The following ARSG variants were observed in gnomAD, a reference collection of about 807,000 sequenced individuals.
The protein encoded by ARSG is arylsulfatase G, also known as ASG.
In ARSG, 37 loss-of-function variants were observed where a neutral mutation model predicts 50.5. That is an observed-to-expected ratio of 0.73 (90% CI 0.56 to 0.96). The LOEUF is 0.96. Ranked by LOEUF, ARSG falls within the 50% of genes least tolerant of loss-of-function variation. The pLI, the probability that ARSG is intolerant of heterozygous loss-of-function variation, is 0.00. For missense variants in ARSG, 629 were observed against 675.3 expected (o/e 0.93, Z 0.76); for synonymous variants, 225 against 254.6 (o/e 0.88, Z 1.11).
intron 1 of ARSG, among the ~76,000 whole-genome samples, chr17:68,275,275 C>T (rs1444492129): frequency 2.6e-5 from 4 of 151,814 alleles, no homozygotes; most frequent in East Asian, 1.9e-4. Flanking sequence ...ACAACAGTGA[C>T]GTAAGTGAGC....
chr17:68,323,798 T>C (rs1379861456), intron 2 of ARSG, among the ~76,000 whole-genome samples: 5 of 152,092 alleles, frequency 3.3e-5, no homozygotes, highest in African/African-American at 9.7e-5. Flanking sequence ...ACAGGCTGGG[T>C]GCTGTAGCTC....
intron 2 of ARSG, among the ~76,000 whole-genome samples, chr17:68,336,308 C>G (rs2078017588): frequency 6.6e-6 from 1 of 151,534 alleles, no homozygotes; most frequent in Non-Finnish European, 1.5e-5. Flanking sequence ...CTCCCAGATT[C>G]AAGCGGTTCT....
chr17:68,441,438 A>G, the ARSG span, among the ~76,000 whole-genome samples: 1 of 152,204 alleles, frequency 6.6e-6, no homozygotes, highest in African/African-American at 2.4e-5. Flanking sequence ...TTCCTTCTGT[A>G]CCCAGCAAGG....
At chr17:68,335,218 C>T (rs538298311) in intron 2 of ARSG, among the ~76,000 whole-genome samples, 283 of 152,058 alleles carry the variant, frequency 1.9e-3, no homozygotes, top group Non-Finnish European at 3.1e-3. Context: ...GGCTGGGTCT[C>T]GAACTCCTGG....
At chr17:68,343,448 C>T (rs551119372) in intron 2 of ARSG, among the ~76,000 whole-genome samples, 156 bp from the exon 3 acceptor site, 5 of 152,336 alleles carry the variant, frequency 3.3e-5, no homozygotes, top group South Asian at 2.1e-4. Flanking sequence ...TGAGCCACCG[C>T]GCCTGGCCAG....
intron 11 of ARSG, among the ~76,000 whole-genome samples, chr17:68,409,142 A>T: frequency 2.4e-5 from 3 of 125,298 alleles, no homozygotes; most frequent in Non-Finnish European, 3.4e-5. Context: ...CCCATTTGTC[A>T]ATTTTGGCTT....
chr17:68,268,152 G>A (rs573768409), intron 1 of ARSG: 5 of 152,280 alleles, frequency 3.3e-5, no homozygotes, highest in Non-Finnish European at 2.9e-5. Context: ...AAGATAAGAC[G>A]TATTCTGTGA....
upstream of ARSG, among the ~76,000 whole-genome samples, chr17:68,290,503 G>T (rs2075948630): frequency 1.3e-5 from 2 of 152,242 alleles, no homozygotes; most frequent in Non-Finnish European, 2.9e-5. Flanking sequence ...TGACAGTCCA[G>T]GTGGAGGACC....
chr17:68,353,221 AT>A (rs927444920), intron 5 of ARSG, among the ~76,000 whole-genome samples: 1 of 151,878 alleles, frequency 6.6e-6, no homozygotes, highest in Admixed American at 6.6e-5. Context: ...CTGATACCTG[AT>A]TTTACAGATA....
chr17:68,316,147 C>T (rs782420284), intron 2 of ARSG, among the ~76,000 whole-genome samples: 12 of 152,210 alleles, frequency 7.9e-5, no homozygotes, highest in Non-Finnish European at 1.5e-4. Flanking sequence ...GGCCTTTGCA[C>T]TGGCTGTTGC....
At chr17:68,379,130 C>T (rs1051440770) in intron 8 of ARSG, among the ~76,000 whole-genome samples, 6 of 152,290 alleles carry the variant, frequency 3.9e-5, no homozygotes, top group South Asian at 4.1e-4. Context: ...CCAGGCCAGC[C>T]GGAGTCCTGG....
In ARSG at chr17:68,272,619, G is replaced by A. The variant is rs559117735; in HGVS notation, c.-552+13193G>A. ...CGTCTCTCATCCACATTCATACTTA[G>A]GCTGTTGTAGTCCACCTACCTGGTG... On this transcript the variant is annotated intron_variant, in intron 1 of 11. Coordinates refer to the ARSG transcript ENST00000448504. 4 of 1,612,256 alleles carry A rather than the reference G, an allele frequency of 2.5e-6. No individual in the cohort carries two copies. The African/African-American group carries it at 4.0e-5, about 16-fold the overall frequency.
At chr17:68,280,381 C>G (rs1376440710) in intron 1 of ARSG, among the ~76,000 whole-genome samples, 5 of 151,872 alleles carry the variant, frequency 3.3e-5, no homozygotes, top group African/African-American at 4.8e-5. Flanking sequence ...ACTAACAGAC[C>G]TCAAAATATA....
At chr17:68,270,930 A>C in intron 1 of ARSG, 1 of 1,614,240 alleles carries the variant, frequency 6.2e-7, no homozygotes, top group Non-Finnish European at 8.5e-7. Flanking sequence ...CCACGACATC[A>C]TCCTCAGCAA....
chr17:68,293,819 G>T (rs954547913), intron 1 of ARSG, among the ~76,000 whole-genome samples: 3 of 152,128 alleles, frequency 2.0e-5, no homozygotes, highest in Non-Finnish European at 4.4e-5. Context: ...TAATGGAGAG[G>T]TAGCTGGAAA....
At chr17:68,405,824 C>T (rs567395127) in intron 11 of ARSG, among the ~76,000 whole-genome samples, 20 of 152,280 alleles carry the variant, frequency 1.3e-4, no homozygotes, top group African/African-American at 4.8e-4. Flanking sequence ...GATATTAGTA[C>T]AACCACTCTT....
chr17:68,278,397 G>T, intron 1 of ARSG: 1 of 924,574 alleles, frequency 1.1e-6, no homozygotes, highest in Non-Finnish European at 1.7e-6. Flanking sequence ...ATACTCTTAA[G>T]CAAACAACAG....
intron 2 of ARSG, among the ~76,000 whole-genome samples, chr17:68,330,737 C>T (rs2077693876): frequency 6.6e-6 from 1 of 152,114 alleles, no homozygotes; most frequent in Non-Finnish European, 1.5e-5. Context: ...CTGAGACCAA[C>T]AAGCAGTTTT....
intron 11 of ARSG, 48 bp from the exon 12 acceptor site, chr17:68,420,141 G>A (rs371569262): frequency 3.1e-6 from 5 of 1,601,010 alleles, no homozygotes; most frequent in Non-Finnish European, 8.5e-7. Context: ...TTACAACACA[G>A]GGCAACTGTC....
Sources: gnomAD v4.1 joint callset for allele counts (sites outside exome capture counted in the v4.1 genomes callset) on GRCh38, gnomAD v4.1.1 for gene constraint, MANE v1.5 for transcripts, NCBI Gene and HGNC (gene_info 2026-07-23, HGNC 2026-07-21) for gene names.